Variants in PGAM1 observed in about 807,000 individuals in gnomAD.
PGAM1 encodes phosphoglycerate mutase 1, also known as BPG-dependent PGAM 1.
A neutral mutation model predicts 23.5 loss-of-function variants in PGAM1; 21 were observed. The ratio of observed to expected loss-of-function variants is 0.89; its 90% CI spans 0.63 to 1.29. The LOEUF (loss-of-function observed/expected upper bound fraction) is 1.29. PGAM1 is among the 50% of genes most tolerant of loss of function. The pLI is 0.00. For synonymous variants in PGAM1, 109 were observed against 128.6 expected (o/e 0.85, Z 1.03); for missense variants, 232 against 336.3 (o/e 0.69, Z 2.42).
In PGAM1 at chr10:97,432,532, C is replaced by T. The variant is rs761018466; in HGVS notation, c.*8C>T. 21 of 1,564,898 alleles carry T rather than the reference C, an allele frequency of 1.3e-5. No homozygotes were observed. The highest frequency in any genetic ancestry group is 2.2e-5 in the East Asian group (1 of 44,462). ...GGCAAGGCCAAGAAGTGAAGGCCGG[C>T]GGGGAGGATACTGTCCCCAGGAGCA... On this transcript the variant is annotated 3_prime_UTR_variant, in exon 4 of 4. Coordinates refer to ENST00000334828, the MANE Select transcript of PGAM1 (RefSeq NM_002629.4).
chr10:97,426,517 G>A, intron 1 of PGAM1, 71 bp downstream of exon 1: 1 of 1,484,796 alleles, frequency 6.7e-7, no homozygotes, highest in South Asian at 1.4e-5. Context: ...GCTGGCGTCT[G>A]CGCCCTCTCG....
chr10:97,432,144 A>C (rs933324500), intron 3 of PGAM1, among the ~76,000 whole-genome samples: 1 of 152,132 alleles, frequency 6.6e-6, no homozygotes, highest in South Asian at 2.1e-4. Context: ...TTGGTGGTCT[A>C]TCTTGTATAC....
At chr10:97,428,813 A>T (rs367874236) in intron 1 of PGAM1, among the ~76,000 whole-genome samples, 1 of 152,208 alleles carries the variant, frequency 6.6e-6, no homozygotes, top group Admixed American at 6.5e-5. Context: ...CCTGGTGATT[A>T]GTTCTCCCCA....
intron 3 of PGAM1, among the ~76,000 whole-genome samples, chr10:97,431,582 C>T (rs1845472403): frequency 6.6e-6 from 1 of 152,124 alleles, no homozygotes; most frequent in Non-Finnish European, 1.5e-5. Context: ...GAGTTTGAGA[C>T]AGCCTGGGCA....
intron 1 of PGAM1, chr10:97,427,967 G>C: frequency 7.8e-7 from 1 of 1,277,906 alleles, no homozygotes; most frequent in Non-Finnish European, 1.0e-6. Flanking sequence ...GGGCAGGGGA[G>C]TGATTGTTTG....
In PGAM1 at chr10:97,428,396, G is replaced by T. The variant is rs75283944; in HGVS notation, c.139+1950G>T. ...GCATCCTTACTGCTAAGAGAGGGAT[G>T]GCCTGGGGGAGGATGGAGTCCACAC... On this transcript the variant is annotated intron_variant, in intron 1 of 3. Transcript: ENST00000334828. Among the ~76,000 whole-genome samples, 127 of 152,318 alleles carry T rather than the reference G, an allele frequency of 8.3e-4. 1 individual carries two copies. The highest frequency in any genetic ancestry group is 1.4e-3 in the Non-Finnish European group (98 of 68,030).
chr10:97,427,482 A>G (rs573564129), intron 1 of PGAM1: 225 of 1,025,120 alleles, frequency 2.2e-4, no homozygotes, highest in Non-Finnish European at 2.6e-4. Flanking sequence ...TAGTTGGGAA[A>G]AGTGAGTATT....
In PGAM1 at chr10:97,430,852, A is replaced by G. The variant is rs1845462777; in HGVS notation, c.415-103A>G. ...TTTTGTGTTTCCATAGTCAGATTTT[A>G]TAAAACCCTGTGAATGTGAATGGGC... is the stretch of plus-strand genomic sequence containing the variant. On this transcript the variant is annotated intron_variant, in intron 2 of 3. Transcript: ENST00000334828. The G allele has an allele frequency of 1.3e-6, 2 of 1,537,300 alleles. 1 individual carries two copies. The highest frequency in any genetic ancestry group is 1.8e-6 in the Non-Finnish European group (2 of 1,114,030).
intron 1 of PGAM1, 21 bp from the exon 2 acceptor site, chr10:97,430,358 C>T: frequency 6.2e-7 from 1 of 1,611,846 alleles, no homozygotes; most frequent in South Asian, 1.1e-5. Context: ...TAGCTTATCA[C>T]TTTGAACTTC....
At chr10:97,427,248 C>T (rs1845421060) in intron 1 of PGAM1, 1 of 985,994 alleles carries the variant, frequency 1.0e-6, no homozygotes, top group Non-Finnish European at 1.2e-6. Flanking sequence ...CAGCCTCGTC[C>T]CCAGCAGTAG....
At chr10:97,431,327 G>A (rs375298806) in intron 3 of PGAM1, among the ~76,000 whole-genome samples, 192 bp downstream of exon 3, 1 of 152,280 alleles carries the variant, frequency 6.6e-6, no homozygotes, top group East Asian at 1.9e-4. Flanking sequence ...AATAGTGACA[G>A]CTGGACCCCC....
At chr10:97,427,833 T>C in intron 1 of PGAM1, 1 of 1,289,446 alleles carries the variant, frequency 7.8e-7, no homozygotes, top group South Asian at 1.2e-5. Flanking sequence ...CAAGGGTCAT[T>C]GATGAGGCAC....
rs1564784443 is a variant in PGAM1, at chr10:97,432,487, T to C, written c.728T>C (p.Met243Thr). The C allele has an allele frequency of 1.9e-6, 3 of 1,607,898 alleles. No individual in the cohort carries two copies. Among genetic ancestry groups the C allele is most frequent in the Admixed American group, 1.7e-5 (1 of 59,862 alleles). ...GATGAAGAGACGGTGCGCAAAGCCA[T>C]GGAAGCTGTGGCTGCCCAGGGCAAG... ...LGDEETVRKA[M>T]EAVAAQGKAK... Residue 243 changes from methionine to threonine, a missense_variant, in exon 4 of 4, where the codon ATG becomes ACG. Physicochemically the swap from Met to Thr is moderately conservative, Grantham distance 81. Coordinates refer to ENST00000334828, the MANE Select transcript of PGAM1 (RefSeq NM_002629.4).
chr10:97,431,305 T>TGTGATCTGCAGAATA (rs1192276078), intron 3 of PGAM1, among the ~76,000 whole-genome samples, 170 bp downstream of exon 3: 6 of 152,208 alleles, frequency 3.9e-5, no homozygotes, highest in Non-Finnish European at 5.9e-5. Flanking sequence ...TTTCTCAAAA[T>TGTGATCTGCAGAATA]GTGATCTGCA....
At chr10:97,429,761 G>A (rs976077308) in intron 1 of PGAM1, among the ~76,000 whole-genome samples, 2 of 152,128 alleles carry the variant, frequency 1.3e-5, no homozygotes, top group South Asian at 4.1e-4. Flanking sequence ...AGTACAGGAA[G>A]AGCTCTTCCT....
In PGAM1 at chr10:97,426,353, T is replaced by C; in HGVS notation, c.46T>C (p.Trp16Arg). 2 of 1,610,110 alleles carry C rather than the reference T, an allele frequency of 1.2e-6. No homozygotes were observed. The highest frequency in any genetic ancestry group is 1.7e-6 in the Non-Finnish European group (2 of 1,178,904). ...LVLIRHGESAWNLENRFSGWY... is the reference protein window; with the variant it reads ...LVLIRHGESARNLENRFSGWY... ...GCTGATCCGGCACGGCGAGAGCGCA[T>C]GGAACCTGGAGAACCGCTTCAGCGG... The change falls in exon 1 of 4, where the codon TGG (tryptophan) becomes CGG (arginine). Residue 16 changes from tryptophan to arginine, a missense_variant. Physicochemically the swap from Trp to Arg is moderately radical, Grantham distance 101. Around this residue, in one of 3 missense-constraint regions of PGAM1, gnomAD observed 38 missense variants for 77.1 expected, o/e 0.49. Coordinates refer to ENST00000334828, the MANE Select transcript of PGAM1 (RefSeq NM_002629.4).
chr10:97,430,988 C>G lies in PGAM1; in HGVS notation c.448C>G (p.Leu150Val). Residue 150 changes from leucine to valine, a missense_variant, in exon 3 of 4, where the codon CTA (leucine) becomes GTA (valine). By Grantham distance (32) the Leu-to-Val change is conservative. This residue lies in a region of PGAM1 where 191 missense variants were observed against 241.7 expected (regional missense o/e 0.79). Coordinates refer to ENST00000334828, the MANE Select transcript of PGAM1 (RefSeq NM_002629.4). ...RRYADLTEDQLPSCESLKDTI... is the reference protein window; with the variant it reads ...RRYADLTEDQVPSCESLKDTI... ...GTATGCAGACCTCACAGAAGATCAG[C>G]TACCCTCCTGTGAGAGTCTGAAGGA... 6.2e-7 allele frequency: 1 copy of G among 1,613,918 alleles called. No individual in the cohort carries two copies. Among genetic ancestry groups the G allele is most frequent in the Non-Finnish European group, 8.5e-7 (1 of 1,179,860 alleles).
At chr10:97,428,122 G>T (rs189775546) in intron 1 of PGAM1, among the ~76,000 whole-genome samples, 38 of 152,258 alleles carry the variant, frequency 2.5e-4, no homozygotes, top group African/African-American at 8.9e-4. Flanking sequence ...GTTAAACCAT[G>T]TTGTCTCTGT....
intron 3 of PGAM1, among the ~76,000 whole-genome samples, chr10:97,431,803 G>A (rs925388596): frequency 2.6e-5 from 4 of 151,850 alleles, no homozygotes; most frequent in Admixed American, 1.3e-4. Flanking sequence ...GCGGGAGATC[G>A]CTTGAGCCCA....
Sources: allele counts gnomAD v4.1 joint callset (sites outside exome capture counted in the v4.1 genomes callset), GRCh38; gene constraint gnomAD v4.1.1; regional missense constraint gnomAD v4.1.1; transcripts MANE v1.5; gene names NCBI Gene and HGNC (gene_info 2026-07-23, HGNC 2026-07-21).